Variants in PCDH9 observed in about 807,000 individuals in gnomAD.
PCDH9 encodes protocadherin-9.
In PCDH9, 24 loss-of-function variants were observed where a neutral mutation model predicts 70.6. The observed-to-expected ratio is 0.34, with a 90% CI of 0.25 to 0.48. The LOEUF is 0.48. Among genes scored for constraint, PCDH9 ranks in the 20% least tolerant of loss-of-function variants. The probability of loss-of-function intolerance (pLI) is 0.99; values close to 1 mark genes in which losing one functional copy is unlikely to be tolerated. For synonymous variants in PCDH9, 562 were observed against 558.5 expected, an observed-to-expected ratio of 1.01 and a Z score of -0.09; for missense variants, 1,281 against 1,503.6, an observed-to-expected ratio of 0.85 and a Z score of 2.45.
chr13:66,749,790 G>A (rs1178727765), intron 3 of PCDH9, among the ~76,000 whole-genome samples: 2 of 152,104 alleles, frequency 1.3e-5, no homozygotes, highest in Admixed American at 6.6e-5. Flanking sequence ...GGAATAGGAT[G>A]AACTGGTGAC....
chr13:66,733,545 T>C (rs2079103992), intron 3 of PCDH9, among the ~76,000 whole-genome samples: 1 of 152,180 alleles, frequency 6.6e-6, no homozygotes, highest in Non-Finnish European at 1.5e-5. Context: ...TGAACAATCA[T>C]GTAGCTAGTT....
chr13:66,492,447 TAATA>T (rs1959049763), intron 4 of PCDH9, among the ~76,000 whole-genome samples: 1 of 148,088 alleles, frequency 6.8e-6, no homozygotes, highest in African/African-American at 2.4e-5. Flanking sequence ...TATTTATATA[TAATA>T]AATATATATA....
Position 67,005,149 on chromosome 13 carries a change from C to A in PCDH9, c.3037-101544G>T, listed in dbSNP as rs2084325504. On this transcript the variant is annotated intron_variant, in intron 2 of 4. Transcript: ENST00000377865. ...AGGAATATTCAAAAATTAAGGCAAG[C>A]AGAATCACGGACATTTCTGCATATG... is the stretch of plus-strand genomic sequence containing the variant. Among the ~76,000 whole-genome samples the A allele has an allele frequency of 2.0e-5, 3 of 151,548 alleles. No individual in the cohort carries two copies. In the South Asian group the frequency reaches 6.2e-4, roughly 32 times the overall value.
At chr13:66,417,405 G>A (rs9529059) in intron 4 of PCDH9, among the ~76,000 whole-genome samples, 124,844 of 152,180 alleles carry the variant, frequency 0.82, 52,787 homozygotes, top group South Asian at 0.95. Flanking sequence ...TATGTGCCAC[G>A]TTTCTTTTAT....
chr13:66,536,757 C>G (rs866692883), intron 4 of PCDH9, among the ~76,000 whole-genome samples: 2 of 151,880 alleles, frequency 1.3e-5, no homozygotes, highest in Non-Finnish European at 2.9e-5. Context: ...GTTATGAAAC[C>G]GTGCTTTTCT....
At chr13:66,604,134 T>G (rs577235903) in intron 4 of PCDH9, among the ~76,000 whole-genome samples, 1 of 152,138 alleles carries the variant, frequency 6.6e-6, no homozygotes, top group South Asian at 2.1e-4. Flanking sequence ...CCTCCGCACT[T>G]GCAGATTTCC....
intron 2 of PCDH9, among the ~76,000 whole-genome samples, chr13:66,979,526 T>C (rs2083694442): frequency 1.3e-5 from 2 of 152,148 alleles, no homozygotes; most frequent in South Asian, 4.1e-4. Flanking sequence ...CAAAGGCTTC[T>C]TTCTCCTGAA....
chr13:66,484,522 G>C (rs1046502707), intron 4 of PCDH9, among the ~76,000 whole-genome samples: 11 of 152,190 alleles, frequency 7.2e-5, no homozygotes, highest in Non-Finnish European at 1.6e-4. Flanking sequence ...TGGAAGAGTA[G>C]ATTCTAGAAT....
At chr13:66,622,934 G>A (rs1330437131) in intron 4 of PCDH9, among the ~76,000 whole-genome samples, 8 of 152,212 alleles carry the variant, frequency 5.3e-5, no homozygotes, top group African/African-American at 1.4e-4. Flanking sequence ...TGAAGCCAGC[G>A]AGACCACGAA....
chr13:66,850,564 A>G (rs539212784), intron 3 of PCDH9, among the ~76,000 whole-genome samples: 47 of 152,306 alleles, frequency 3.1e-4, no homozygotes, highest in Non-Finnish European at 5.1e-4. Context: ...TAATAGGAAA[A>G]GACATTAAAC....
At chr13:66,592,938 T>C (rs1284889083) in intron 4 of PCDH9, among the ~76,000 whole-genome samples, 1 of 151,734 alleles carries the variant, frequency 6.6e-6, no homozygotes, top group East Asian at 1.9e-4. Context: ...ATAGTTGATT[T>C]TCTATGATCT....
chr13:66,523,543 T>C (rs1466751423), intron 4 of PCDH9, among the ~76,000 whole-genome samples: 1 of 151,948 alleles, frequency 6.6e-6, no homozygotes, highest in Non-Finnish European at 1.5e-5. Flanking sequence ...ACTTAACATA[T>C]ATATATATAT....
intron 4 of PCDH9, among the ~76,000 whole-genome samples, chr13:66,572,603 A>G (rs1028606502): frequency 2.0e-5 from 3 of 152,076 alleles, no homozygotes; most frequent in Non-Finnish European, 4.4e-5. Flanking sequence ...TTCTTCATCC[A>G]TTCATCCACT....
intron 4 of PCDH9, among the ~76,000 whole-genome samples, chr13:66,459,277 T>C (rs1416811271): frequency 1.3e-5 from 2 of 151,960 alleles, no homozygotes; most frequent in Admixed American, 6.6e-5. Flanking sequence ...GGGATGTTTA[T>C]AGTGTTGGAA....
intron 3 of PCDH9, among the ~76,000 whole-genome samples, chr13:66,772,356 T>C (rs17051465): frequency 0.027 from 4,084 of 152,310 alleles, 166 homozygotes; most frequent in African/African-American, 0.09. Flanking sequence ...TTACATCTCA[T>C]TATCATGCCA....
At chr13:66,729,380 T>A (rs1173954449) in intron 3 of PCDH9, among the ~76,000 whole-genome samples, 1 of 152,126 alleles carries the variant, frequency 6.6e-6, no homozygotes, top group Non-Finnish European at 1.5e-5. Flanking sequence ...TGACTTTTAG[T>A]CATGTGCATC....
chr13:66,504,720 T>C (rs1363814365), intron 4 of PCDH9, among the ~76,000 whole-genome samples: 1 of 152,144 alleles, frequency 6.6e-6, no homozygotes, highest in Non-Finnish European at 1.5e-5. Flanking sequence ...CATGTGGGAA[T>C]GGTGACTGGA....
chr13:66,541,965 T>A (rs1960975674), intron 4 of PCDH9, among the ~76,000 whole-genome samples: 3 of 152,198 alleles, frequency 2.0e-5, no homozygotes, highest in South Asian at 4.2e-4. Context: ...CGTCTGTAAA[T>A]TAATGAGGCT....
rs183335381 is a variant in PCDH9 at position 66,473,324 on chromosome 13, C to A, written c.3340+157886G>T. Among the ~76,000 whole-genome samples the A allele has an allele frequency of 1.1e-3, 163 of 151,922 alleles. No homozygotes were observed. The Middle Eastern group carries it at 0.017, about 16-fold the overall frequency. On this transcript the variant is annotated intron_variant, in intron 4 of 4. Transcript: ENST00000377865. Reference sequence around the variant, plus strand: ...GATATATCGATATTTGCTATGCTTACTTTCAATAATATTTCTAATACAAAT... The same window carrying A: ...GATATATCGATATTTGCTATGCTTAATTTCAATAATATTTCTAATACAAAT...
Sources: gnomAD v4.1 joint callset for allele counts (sites outside exome capture counted in the v4.1 genomes callset) on GRCh38, gnomAD v4.1.1 for gene constraint, MANE v1.5 for transcripts, NCBI Gene and HGNC (gene_info 2026-07-23, HGNC 2026-07-21) for gene names.